The following LGSN variants were observed in gnomAD, a reference collection of about 807,000 sequenced individuals.
LGSN encodes lengsin, lens protein with glutamine synthetase domain, also known as lengsin.
A neutral mutation model predicts 19.5 loss-of-function variants in LGSN; 21 were observed. That is an observed-to-expected ratio of 1.07 (90% CI 0.76 to 1.55). LGSN has a LOEUF of 1.55. Among genes scored for constraint, LGSN ranks in the 40% most tolerant of loss-of-function variants. LGSN has a pLI of 0.00. For missense variants in LGSN, 673 were observed against 608.5 expected (o/e 1.11, Z -1.12); for synonymous variants, 257 against 215.6 (o/e 1.19, Z -1.68).
At chr6:63,489,092 T>C in the LGSN span, among the ~76,000 whole-genome samples, 3 of 152,186 alleles carry the variant, frequency 2.0e-5, no homozygotes, top group Non-Finnish European at 2.9e-5. Flanking sequence ...GATATACTAC[T>C]AAGCAAAAAT....
chr6:63,358,372 G>A, the LGSN span, among the ~76,000 whole-genome samples: 153 of 152,330 alleles, frequency 1.0e-3, no homozygotes, highest in African/African-American at 3.1e-3. Flanking sequence ...TGTGAAGAAA[G>A]TCATTGGTAG....
At chr6:63,510,607 A>G in the LGSN span, among the ~76,000 whole-genome samples, 1 of 150,386 alleles carries the variant, frequency 6.6e-6, no homozygotes, top group Non-Finnish European at 1.5e-5. Context: ...CACCATCTTC[A>G]GTGTCAGGAA....
chr6:63,363,283 G>A, the LGSN span, among the ~76,000 whole-genome samples: 1 of 152,254 alleles, frequency 6.6e-6, no homozygotes, highest in Non-Finnish European at 1.5e-5. Context: ...GAAAATCAGA[G>A]TGCCTCTTCT....
At chr6:63,435,763 C>T in the LGSN span, among the ~76,000 whole-genome samples, 13 of 151,464 alleles carry the variant, frequency 8.6e-5, no homozygotes, top group African/African-American at 2.4e-4. Context: ...AAAATAAAAT[C>T]GAATTGAATA....
chr6:63,457,154 A>G, the LGSN span, among the ~76,000 whole-genome samples: 1 of 152,146 alleles, frequency 6.6e-6, no homozygotes, highest in Non-Finnish European at 1.5e-5. Context: ...TATTGGTTTG[A>G]CTGATTTTCT....
chr6:63,485,065 G>T, the LGSN span, among the ~76,000 whole-genome samples: 2 of 151,568 alleles, frequency 1.3e-5, no homozygotes, highest in Non-Finnish European at 2.9e-5. Flanking sequence ...TAAGTTCAGG[G>T]TTACATGCAG....
At chr6:63,425,554 A>G in the LGSN span, among the ~76,000 whole-genome samples, 1 of 152,244 alleles carries the variant, frequency 6.6e-6, no homozygotes, top group Non-Finnish European at 1.5e-5. Context: ...CATTCATATA[A>G]CATTCTTGAA....
the LGSN span, among the ~76,000 whole-genome samples, chr6:63,545,972 TA>T: frequency 6.6e-6 from 1 of 152,206 alleles, no homozygotes; most frequent in South Asian, 2.1e-4. Context: ...TTCAGAGTTT[TA>T]AAAATATTAA....
At chr6:63,319,542 A>G (rs943794437) in intron 1 of LGSN, among the ~76,000 whole-genome samples, 2 of 152,210 alleles carry the variant, frequency 1.3e-5, no homozygotes, top group Non-Finnish European at 2.9e-5. Context: ...TTAATCTCAA[A>G]GCATATTTAT....
the LGSN span, among the ~76,000 whole-genome samples, chr6:63,384,110 A>AT: frequency 3.7e-4 from 57 of 152,236 alleles, no homozygotes; most frequent in African/African-American, 1.1e-3. Flanking sequence ...CCACAAACCT[A>AT]TGATGATTGT....
At chr6:63,552,440 T>A in the LGSN span, among the ~76,000 whole-genome samples, 2 of 152,250 alleles carry the variant, frequency 1.3e-5, no homozygotes, top group East Asian at 1.9e-4. Flanking sequence ...ATTAGCCCTT[T>A]GTCAGATGAG....
chr6:63,316,742 A>G (rs950752549), intron 1 of LGSN, among the ~76,000 whole-genome samples: 2 of 151,952 alleles, frequency 1.3e-5, no homozygotes, highest in African/African-American at 4.8e-5. Flanking sequence ...AAAGACATGT[A>G]GAAAAAATTT....
At chr6:63,385,533 A>T in the LGSN span, among the ~76,000 whole-genome samples, 2 of 152,246 alleles carry the variant, frequency 1.3e-5, no homozygotes, top group African/African-American at 4.8e-5. Flanking sequence ...CTGTTTCAGC[A>T]GTTGCTCTAG....
At chr6:63,537,927 A>G in the LGSN span, among the ~76,000 whole-genome samples, 5 of 152,244 alleles carry the variant, frequency 3.3e-5, no homozygotes, top group East Asian at 1.9e-4. Context: ...CCCAGACAGG[A>G]GTTTAAAAGA....
the LGSN span, among the ~76,000 whole-genome samples, chr6:63,335,273 CAGAATAGGTAAA>C: frequency 1.1e-3 from 173 of 151,952 alleles, 2 homozygotes; most frequent in Non-Finnish European, 8.8e-5. Context: ...AAAATAAATT[CAGAATAGGTAAA>C]AGACTTACAA....
the LGSN span, among the ~76,000 whole-genome samples, chr6:63,326,562 G>A: frequency 7.2e-5 from 11 of 152,008 alleles, no homozygotes; most frequent in African/African-American, 2.7e-4. Context: ...GGAGGCTCAG[G>A]CATGGCGGGC....
the LGSN span, among the ~76,000 whole-genome samples, chr6:63,405,049 T>C: frequency 6.8e-6 from 1 of 147,734 alleles, no homozygotes. Context: ...AGTGAGAATA[T>C]GTGGTGTTTG....
the LGSN span, among the ~76,000 whole-genome samples, chr6:63,434,523 C>A: frequency 1.3e-5 from 2 of 149,200 alleles, no homozygotes; most frequent in Non-Finnish European, 3.0e-5. Context: ...CTTTGTGAGG[C>A]CAAAGCTGTC....
chr6:63,571,335 C>G, the LGSN span: 1 of 152,122 alleles, frequency 6.6e-6, no homozygotes, highest in Admixed American at 6.5e-5. Context: ...GTGAAAATAA[C>G]AAACAAAAGG....
Sources: allele counts gnomAD v4.1 joint callset (sites outside exome capture counted in the v4.1 genomes callset), GRCh38; gene constraint gnomAD v4.1.1; transcripts MANE v1.5; gene names NCBI Gene and HGNC (gene_info 2026-07-23, HGNC 2026-07-21).